PIK3C2G: variants seen among roughly 807,000 people sequenced by gnomAD.
The protein encoded by PIK3C2G is phosphatidylinositol-4-phosphate 3-kinase catalytic subunit type 2 gamma.
PIK3C2G carries 168 observed loss-of-function variants against 181.1 expected under a neutral mutation model. The observed-to-expected ratio is 0.93, with a 90% confidence interval of 0.82 to 1.05. The LOEUF is 1.05. Ranked by LOEUF, PIK3C2G falls within the 50% of genes least tolerant of loss-of-function variation. The pLI is 0.00. For missense variants in PIK3C2G, 1,869 were observed against 1,732.8 expected (o/e 1.08, Z -1.40); for synonymous variants, 573 against 592.2 (o/e 0.97, Z 0.47).
At chr12:18,296,282 G>A (rs377480905) in intron 5 of PIK3C2G, among the ~76,000 whole-genome samples, 1 of 151,978 alleles carries the variant, frequency 6.6e-6, no homozygotes, top group Admixed American at 6.6e-5. Flanking sequence ...TATTAACACC[G>A]TGTTCTCAAA....
intron 8 of PIK3C2G, among the ~76,000 whole-genome samples, chr12:18,338,186 A>G (rs991506534): frequency 6.6e-6 from 1 of 152,038 alleles, no homozygotes; most frequent in Non-Finnish European, 1.5e-5. Context: ...AGTAATGTCA[A>G]ATTAGAGCTA....
chr12:18,467,638 T>C (rs771826983), intron 18 of PIK3C2G, among the ~76,000 whole-genome samples: 15 of 152,044 alleles, frequency 9.9e-5, no homozygotes, highest in Non-Finnish European at 1.2e-4. Context: ...AGAAATATGC[T>C]CCTCATGTTA....
upstream of PIK3C2G, among the ~76,000 whole-genome samples, chr12:18,259,338 C>A (rs745594977): frequency 1.3e-5 from 2 of 152,042 alleles, no homozygotes; most frequent in East Asian, 3.8e-4. Flanking sequence ...ATGCAGGTAG[C>A]CAGCTTCGGG....
chr12:18,591,181 GTTC>G (rs1214439566), intron 29 of PIK3C2G, among the ~76,000 whole-genome samples: 3 of 151,836 alleles, frequency 2.0e-5, no homozygotes, highest in Non-Finnish European at 4.4e-5. Flanking sequence ...TATTAAACAA[GTTC>G]ACAAGAGATC....
At chr12:18,367,807 C>T (rs2137844441) in intron 12 of PIK3C2G, among the ~76,000 whole-genome samples, 1 of 152,140 alleles carries the variant, frequency 6.6e-6, no homozygotes, top group East Asian at 1.9e-4. Flanking sequence ...ATCTGCCCAT[C>T]TTGGTGGGAG....
At chr12:18,721,772 T>C in the PIK3C2G span, among the ~76,000 whole-genome samples, 1 of 151,690 alleles carries the variant, frequency 6.6e-6, no homozygotes, top group Non-Finnish European at 1.5e-5. Context: ...ATATAGTCGC[T>C]TAGTATTCTT....
chr12:18,390,993 T>C, intron 14 of PIK3C2G, 129 bp from the exon 15 acceptor site: 4 of 577,714 alleles, frequency 6.9e-6, no homozygotes, highest in Non-Finnish European at 1.0e-5. Context: ...ATTTTAAAAT[T>C]ATAAATAGCA....
chr12:18,725,769 CGTT>C, the PIK3C2G span, among the ~76,000 whole-genome samples: 1 of 152,024 alleles, frequency 6.6e-6, no homozygotes, highest in African/African-American at 2.4e-5. Flanking sequence ...CTATGTTTCT[CGTT>C]GTTGTTTTTT....
the PIK3C2G span, among the ~76,000 whole-genome samples, chr12:18,699,486 C>A: frequency 6.6e-6 from 1 of 152,128 alleles, no homozygotes; most frequent in Non-Finnish European, 1.5e-5. Context: ...GGCTCTGCCT[C>A]CCTCTGCAGC....
chr12:18,461,012 T>C (rs12371624), intron 18 of PIK3C2G, among the ~76,000 whole-genome samples: 37,257 of 151,998 alleles, frequency 0.25, 5,457 homozygotes, highest in East Asian at 0.61. Flanking sequence ...CTAGTTGTGA[T>C]ATAGAAGTGT....
chr12:18,295,222 CTTA>C (rs1949887179), intron 5 of PIK3C2G, among the ~76,000 whole-genome samples: 1 of 151,430 alleles, frequency 6.6e-6, no homozygotes, highest in African/African-American at 2.4e-5. Flanking sequence ...TTTATTTGAA[CTTA>C]TTAACACACT....
chr12:18,699,466 C>T, the PIK3C2G span, among the ~76,000 whole-genome samples: 9,022 of 152,168 alleles, frequency 0.059, 374 homozygotes, highest in Middle Eastern at 0.095. Flanking sequence ...AAGTTCAAGC[C>T]TTCTAATTCG....
chr12:18,691,393 A>T, the PIK3C2G span, among the ~76,000 whole-genome samples: 4 of 152,310 alleles, frequency 2.6e-5, no homozygotes, highest in South Asian at 8.3e-4. Flanking sequence ...TCCCAAAATC[A>T]TGTCCAATTA....
chr12:18,622,131 C>T (rs1384888063), intron 31 of PIK3C2G, among the ~76,000 whole-genome samples: 1 of 151,850 alleles, frequency 6.6e-6, no homozygotes, highest in East Asian at 1.9e-4. Context: ...TGATATTCAG[C>T]ATGCTGTGCT....
chr12:18,622,899 T>C (rs1948927276), intron 31 of PIK3C2G, among the ~76,000 whole-genome samples: 1 of 151,812 alleles, frequency 6.6e-6, no homozygotes. Flanking sequence ...TTAATTGAAT[T>C]GTTTTCTTTC....
intron 31 of PIK3C2G, among the ~76,000 whole-genome samples, chr12:18,629,778 G>A (rs756307024): frequency 1.3e-5 from 2 of 152,064 alleles, no homozygotes; most frequent in Non-Finnish European, 2.9e-5. Context: ...CCTTCAGATG[G>A]CTAGCTGTTT....
In PIK3C2G at chr12:18,640,511, C is replaced by T. The variant is rs774645849; in HGVS notation, c.4265C>T (p.Thr1422Ile). 3.1e-6 allele frequency: 5 copies of T among 1,605,026 alleles called. No homozygotes were observed. The highest frequency in any genetic ancestry group is 3.4e-5 in the Admixed American group (2 of 59,060). ...PYPSEVRRRK[T>I]KSVPKCTDPT... ...CCCAGTGAAGTTCGTAGGAGGAAAACAAAATCTGTTCCAAAATGTACGGAC... is the reference window on the plus strand; with the variant it reads ...CCCAGTGAAGTTCGTAGGAGGAAAATAAAATCTGTTCCAAAATGTACGGAC... Residue 1422 changes from threonine (T) to isoleucine (I), a missense_variant, in exon 32 of 33, where the codon ACA becomes ATA. Thr to Ile is a moderately conservative substitution (Grantham distance 89, BLOSUM62 -1). Transcript: ENST00000538779.
chr12:18,548,854 G>A (rs1183249715), intron 26 of PIK3C2G, among the ~76,000 whole-genome samples: 1 of 151,828 alleles, frequency 6.6e-6, no homozygotes. Flanking sequence ...CACTTCCTAG[G>A]ACCTTATAAT....
intron 9 of PIK3C2G, among the ~76,000 whole-genome samples, chr12:18,341,102 A>G (rs1283030297): frequency 6.6e-6 from 1 of 152,210 alleles, no homozygotes; most frequent in Non-Finnish European, 1.5e-5. Flanking sequence ...AACTGACCAA[A>G]CAACGAGGAA....
Sources: gnomAD v4.1 joint callset for allele counts (sites outside exome capture counted in the v4.1 genomes callset) on GRCh38, gnomAD v4.1.1 for gene constraint, MANE v1.5 for transcripts, NCBI Gene and HGNC (gene_info 2026-07-23, HGNC 2026-07-21) for gene names.